The following DEPTOR variants were observed in gnomAD, a reference collection of about 807,000 sequenced individuals.
DEPTOR encodes DEP domain-containing mTOR-interacting protein.
Under a neutral mutation model 41.6 loss-of-function variants are expected in DEPTOR, and 41 were observed. The ratio of observed to expected loss-of-function variants is 0.98; its 90% CI spans 0.77 to 1.28. The LOEUF (loss-of-function observed/expected upper bound fraction) is 1.28. DEPTOR is among the 50% of genes most tolerant of loss of function. The pLI is 0.00. For missense variants in DEPTOR, 514 were observed against 527.9 expected (o/e 0.97, Z 0.26); for synonymous variants, 195 against 192.3 (o/e 1.01, Z -0.12).
At chr8:119,987,765 G>A (rs896067646) in intron 4 of DEPTOR, among the ~76,000 whole-genome samples, 6 of 152,188 alleles carry the variant, frequency 3.9e-5, no homozygotes, top group Non-Finnish European at 8.8e-5. Flanking sequence ...GGTTTGCATA[G>A]CTGTGGTGGG....
chr8:119,963,117 A>T (rs1828513532), intron 3 of DEPTOR, among the ~76,000 whole-genome samples: 1 of 152,178 alleles, frequency 6.6e-6, no homozygotes, highest in Non-Finnish European at 1.5e-5. Flanking sequence ...TGTGGATAGT[A>T]ATCGAAGACA....
At chr8:120,011,938 C>T (rs1044830357) in intron 8 of DEPTOR, among the ~76,000 whole-genome samples, 3 of 152,118 alleles carry the variant, frequency 2.0e-5, no homozygotes, top group Non-Finnish European at 4.4e-5. Context: ...TTACACAGCT[C>T]CCTGGTCCAG....
chr8:119,975,935 C>T (rs1343935596), intron 4 of DEPTOR, among the ~76,000 whole-genome samples: 1 of 128,692 alleles, frequency 7.8e-6, no homozygotes, highest in Non-Finnish European at 1.5e-5. Context: ...GGCTGGAGCA[C>T]AGTGAACCGA....
Position 120,049,930 on chromosome 8 carries a change from C to A in DEPTOR, c.*226C>A. On this transcript the variant is annotated 3_prime_UTR_variant, in exon 9 of 9. Coordinates refer to ENST00000286234, the MANE Select transcript of DEPTOR (RefSeq NM_022783.4). Reference sequence around the variant, plus strand: ...TAGAAAACATTTGGGAAACCATTTTCCTACATGATAGAACTGCCTTACTAG... The same window carrying A: ...TAGAAAACATTTGGGAAACCATTTTACTACATGATAGAACTGCCTTACTAG... The A allele has an allele frequency of 2.5e-6, 1 of 404,044 alleles. No individual in the cohort carries two copies. The highest frequency in any genetic ancestry group is 4.3e-6 in the Non-Finnish European group (1 of 232,862). The allele number at this position is 404,044 out of a possible 1,614,324, so 25.0% of individuals were successfully genotyped here.
At chr8:119,985,373 CAT>C (rs1181578184) in intron 4 of DEPTOR, among the ~76,000 whole-genome samples, 10 of 151,950 alleles carry the variant, frequency 6.6e-5, no homozygotes, top group Admixed American at 5.2e-4. Context: ...AGTGTCTCTT[CAT>C]ATCCCTCACC....
At chr8:119,898,276 G>T (rs1827545419) in intron 1 of DEPTOR, among the ~76,000 whole-genome samples, 1 of 152,154 alleles carries the variant, frequency 6.6e-6, no homozygotes, top group African/African-American at 2.4e-5. Flanking sequence ...GATGTGTGTT[G>T]TGTACGTGTG....
At chr8:119,917,361 T>C (rs1163862966) in intron 1 of DEPTOR, among the ~76,000 whole-genome samples, 6 of 152,240 alleles carry the variant, frequency 3.9e-5, no homozygotes, top group Non-Finnish European at 8.8e-5. Context: ...AGATTGTTAC[T>C]GTGTCTGTGT....
intron 1 of DEPTOR, among the ~76,000 whole-genome samples, chr8:119,876,010 T>C (rs547879677): frequency 5.8e-4 from 88 of 152,224 alleles, no homozygotes; most frequent in Admixed American, 1.8e-3. Context: ...TGCTCTTCAT[T>C]ACTGGGCCAT....
intron 3 of DEPTOR, among the ~76,000 whole-genome samples, chr8:119,949,571 G>T (rs575834186): frequency 6.6e-6 from 1 of 152,254 alleles, no homozygotes; most frequent in South Asian, 2.1e-4. Context: ...GATATGAAAT[G>T]TTATGTCATT....
chr8:119,930,723 C>T (rs1475559618), intron 3 of DEPTOR, among the ~76,000 whole-genome samples: 1 of 152,032 alleles, frequency 6.6e-6, no homozygotes, highest in African/African-American at 2.4e-5. Flanking sequence ...TAGTGTAGCA[C>T]AGGAGTTTTT....
At position 119,983,335 on chromosome 8, in the gene DEPTOR, A is replaced by C. The variant is rs138332239; in HGVS notation, c.604+17925A>C. Among the ~76,000 whole-genome samples, 114 of 151,156 alleles carry C rather than the reference A, an allele frequency of 7.5e-4. 1 individual carries two copies. Among genetic ancestry groups the C allele is most frequent in the African/African-American group, 2.6e-3 (106 of 41,132 alleles). ...GTGCAATCTTGGCTTACTGCAACCG[A>C]GTAGCTGGGATTACAGGTGTGTAGC... On this transcript the variant is annotated intron_variant, in intron 4 of 8. Coordinates refer to ENST00000286234, the MANE Select transcript of DEPTOR (RefSeq NM_022783.4).
intron 8 of DEPTOR, among the ~76,000 whole-genome samples, chr8:120,031,434 C>A (rs1812890841): frequency 6.6e-6 from 1 of 152,082 alleles, no homozygotes; most frequent in Non-Finnish European, 1.5e-5. Flanking sequence ...CACTGCACTC[C>A]AGCCTGGGTG....
chr8:120,019,626 C>A (rs1225674287), intron 8 of DEPTOR, among the ~76,000 whole-genome samples: 2 of 152,180 alleles, frequency 1.3e-5, no homozygotes, highest in Non-Finnish European at 2.9e-5. Flanking sequence ...GTGGTGTCTT[C>A]CTCATAGGGT....
At position 120,009,080 on chromosome 8, in the gene DEPTOR, T is replaced by C; in HGVS notation, c.1048T>C (p.Cys350Arg). ...TTTTGTGGTGCGAGGAAGTAAGCCA[T>C]GCCACATCCAGGCTGTAGACCCCAG... Reference protein sequence around the residue: ...WGFVVRGSKPCHIQAVDPSGP... With the variant: ...WGFVVRGSKPRHIQAVDPSGP... Residue 350 changes from cysteine to arginine, a missense_variant, in exon 8 of 9, where the codon TGC becomes CGC. Transcript: ENST00000286234. 1 of 1,614,104 alleles carries C rather than the reference T, an allele frequency of 6.2e-7. No individual in the cohort carries two copies. Among genetic ancestry groups the C allele is most frequent in the Non-Finnish European group, 8.5e-7 (1 of 1,180,008 alleles).
chr8:119,943,975 C>T (rs1828236630), intron 3 of DEPTOR, among the ~76,000 whole-genome samples: 1 of 151,990 alleles, frequency 6.6e-6, no homozygotes, highest in Non-Finnish European at 1.5e-5. Flanking sequence ...GTAGCTGGGA[C>T]TACAGGCGCC....
At chr8:120,048,201 C>G (rs1813182083) in intron 8 of DEPTOR, among the ~76,000 whole-genome samples, 1 of 152,126 alleles carries the variant, frequency 6.6e-6, no homozygotes, top group East Asian at 1.9e-4. Context: ...AAAAGAAACC[C>G]CTGTATCTGT....
intron 4 of DEPTOR, among the ~76,000 whole-genome samples, chr8:119,994,430 A>G (rs772414297): frequency 2.6e-5 from 4 of 152,206 alleles, no homozygotes; most frequent in Non-Finnish European, 5.9e-5. Context: ...TTTGACTTTC[A>G]TAATCTAGTT....
At chr8:120,028,960 C>G (rs1456106621) in intron 8 of DEPTOR, among the ~76,000 whole-genome samples, 1 of 151,838 alleles carries the variant, frequency 6.6e-6, no homozygotes, top group South Asian at 2.1e-4. Context: ...TGGCATGTGC[C>G]TACTTGGGAG....
intron 8 of DEPTOR, among the ~76,000 whole-genome samples, chr8:120,031,324 G>A (rs1216577729): frequency 6.6e-6 from 1 of 152,114 alleles, no homozygotes; most frequent in Non-Finnish European, 1.5e-5. Flanking sequence ...AATTAGCCAA[G>A]TGTGGTGGTG....
Sources: gnomAD v4.1 joint callset for allele counts (sites outside exome capture counted in the v4.1 genomes callset) on GRCh38, gnomAD v4.1.1 for gene constraint, MANE v1.5 for transcripts, NCBI Gene and HGNC (gene_info 2026-07-23, HGNC 2026-07-21) for gene names.